The following ERC2 variants were observed in gnomAD, a reference collection of about 807,000 sequenced individuals.
ERC2 encodes the protein ERC protein 2.
In ERC2, 42 loss-of-function variants were observed where a neutral mutation model predicts 114.8. That is an observed-to-expected ratio of 0.37 (90% CI 0.29 to 0.47). The LOEUF is 0.47. Among genes scored for constraint, ERC2 ranks in the 20% least tolerant of loss-of-function variants. The pLI, the probability that ERC2 is intolerant of heterozygous loss-of-function variation, is 0.99. For synonymous variants in ERC2, 454 were observed against 425.5 expected (o/e 1.07, Z -0.82); for missense variants, 939 against 1,150.7 (o/e 0.82, Z 2.66).
chr3:56,081,683 T>G (rs968076765), intron 6 of ERC2, among the ~76,000 whole-genome samples: 6 of 149,528 alleles, frequency 4.0e-5, no homozygotes, highest in African/African-American at 1.2e-4. Flanking sequence ...AAAATATAAG[T>G]TTTTTTTTTA....
intron 7 of ERC2, among the ~76,000 whole-genome samples, chr3:56,020,374 G>C (rs1363675908): frequency 2.0e-5 from 3 of 151,810 alleles, no homozygotes; most frequent in African/African-American, 7.3e-5. Context: ...TAGAAACTCA[G>C]GTTATAGGTC....
chr3:56,008,040 T>C (rs1416559571), intron 9 of ERC2, among the ~76,000 whole-genome samples: 1 of 152,156 alleles, frequency 6.6e-6, no homozygotes, highest in East Asian at 1.9e-4. Flanking sequence ...CATATATCAC[T>C]GAACATAACT....
At chr3:56,159,471 C>T (rs1477655673) in intron 4 of ERC2, among the ~76,000 whole-genome samples, 1 of 152,066 alleles carries the variant, frequency 6.6e-6, no homozygotes, top group Non-Finnish European at 1.5e-5. Context: ...CTACTATAAA[C>T]TTTAAAAATA....
At chr3:56,124,691 T>C (rs773299183) in intron 6 of ERC2, among the ~76,000 whole-genome samples, 2 of 152,162 alleles carry the variant, frequency 1.3e-5, no homozygotes, top group Non-Finnish European at 2.9e-5. Flanking sequence ...TTGAGTACTG[T>C]GCTAAGGCAC....
At chr3:55,934,814 A>C (rs1465676314) in intron 13 of ERC2, among the ~76,000 whole-genome samples, 1 of 152,264 alleles carries the variant, frequency 6.6e-6, no homozygotes, top group African/African-American at 2.4e-5. Flanking sequence ...AATTTTCTGC[A>C]GTATAGAAGG....
intron 4 of ERC2, among the ~76,000 whole-genome samples, chr3:56,166,137 C>T (rs754467090): frequency 6.6e-6 from 1 of 151,922 alleles, no homozygotes; most frequent in Non-Finnish European, 1.5e-5. Flanking sequence ...TTTTTCTGTA[C>T]CTATGAATTA....
intron 17 of ERC2, among the ~76,000 whole-genome samples, chr3:55,592,968 T>C (rs1014558378): frequency 2.0e-5 from 3 of 152,234 alleles, no homozygotes; most frequent in Admixed American, 6.5e-5. Flanking sequence ...TTTTTTCCTA[T>C]GTCCTTCTAT....
chr3:55,997,381 C>G (rs149943307), intron 10 of ERC2, among the ~76,000 whole-genome samples: 300 of 151,788 alleles, frequency 2.0e-3, no homozygotes, highest in African/African-American at 7.0e-3. Flanking sequence ...GGTATAGAAA[C>G]TATTTTGAAA....
At chr3:55,770,319 A>G (rs2068100623) in intron 14 of ERC2, among the ~76,000 whole-genome samples, 1 of 152,238 alleles carries the variant, frequency 6.6e-6, no homozygotes, top group Admixed American at 6.5e-5. Context: ...AGGCCACATC[A>G]GAACCATAGG....
At chr3:55,862,364 A>T (rs2149264389) in intron 14 of ERC2, among the ~76,000 whole-genome samples, 1 of 152,232 alleles carries the variant, frequency 6.6e-6, no homozygotes, top group Admixed American at 6.5e-5. Context: ...CCCTTCCTAA[A>T]TATGGAAAGA....
chr3:55,866,249 A>T (rs2149272446), intron 14 of ERC2, among the ~76,000 whole-genome samples: 1 of 152,298 alleles, frequency 6.6e-6, no homozygotes, highest in South Asian at 2.1e-4. Context: ...TCATTTGTAT[A>T]TCTTCTCTAC....
intron 13 of ERC2, among the ~76,000 whole-genome samples, chr3:55,946,759 G>C (rs2067148486): frequency 6.6e-6 from 1 of 152,030 alleles, no homozygotes; most frequent in African/African-American, 2.4e-5. Flanking sequence ...TTCCCTTCCT[G>C]TTCTCCTTGT....
intron 6 of ERC2, among the ~76,000 whole-genome samples, chr3:56,096,486 G>T (rs17825189): frequency 0.13 from 20,097 of 152,118 alleles, 1,432 homozygotes; most frequent in East Asian, 0.15. Flanking sequence ...AGCAACCAAA[G>T]CAGTGGAGAG....
At chr3:55,649,254 C>T (rs1228664815) in intron 17 of ERC2, among the ~76,000 whole-genome samples, 1 of 131,196 alleles carries the variant, frequency 7.6e-6, no homozygotes, top group East Asian at 2.5e-4. Flanking sequence ...TTATCCAACG[C>T]TGAATTTTTT....
At chr3:56,346,075 A>C (rs1265643006) in intron 2 of ERC2, among the ~76,000 whole-genome samples, 1 of 152,166 alleles carries the variant, frequency 6.6e-6, no homozygotes, top group Non-Finnish European at 1.5e-5. Context: ...GGATATGAAT[A>C]TTTTTGAGGC....
chr3:56,445,904 C>CT (rs923803359), intron 1 of ERC2, among the ~76,000 whole-genome samples: 195 of 147,588 alleles, frequency 1.3e-3, no homozygotes, highest in East Asian at 6.5e-3. Context: ...AAGCGTAATG[C>CT]TTTTTTTTTT....
In ERC2 at chr3:55,769,719, A is replaced by G. The variant is rs187029314; in HGVS notation, c.2565-34801T>C. 1.0e-3 allele frequency among the ~76,000 whole-genome samples: 157 copies of G among 152,290 alleles called. 1 individual carries two copies. Among genetic ancestry groups the G allele is most frequent in the South Asian group, 5.4e-3 (26 of 4,820 alleles). Reference sequence around the variant, plus strand: ...ATTGGTTACTATATCTGAGTGCCATAAAAGACGGTATTCATCCACAAGCCA... The same window carrying G: ...ATTGGTTACTATATCTGAGTGCCATGAAAGACGGTATTCATCCACAAGCCA... On this transcript the variant is annotated intron_variant, in intron 14 of 17. Transcript: ENST00000288221.
intron 7 of ERC2, among the ~76,000 whole-genome samples, chr3:56,050,167 G>A (rs1372716874): frequency 6.6e-6 from 1 of 152,140 alleles, no homozygotes; most frequent in Non-Finnish European, 1.5e-5. Context: ...TGCATAGATT[G>A]TACACCAAAA....
At chr3:56,247,902 C>T (rs1050367581) in intron 3 of ERC2, among the ~76,000 whole-genome samples, 66 of 152,208 alleles carry the variant, frequency 4.3e-4, no homozygotes, top group African/African-American at 1.5e-3. Context: ...TGAGAAAACT[C>T]ATGTAAAGAG....
Sources: gnomAD v4.1 joint callset for allele counts (sites outside exome capture counted in the v4.1 genomes callset) on GRCh38, gnomAD v4.1.1 for gene constraint, MANE v1.5 for transcripts, NCBI Gene and HGNC (gene_info 2026-07-23, HGNC 2026-07-21) for gene names.